The following DISP1 variants were observed in gnomAD, a reference collection of about 807,000 sequenced individuals.
The protein encoded by DISP1 is protein dispatched homolog 1.
A neutral mutation model predicts 37.3 loss-of-function variants in DISP1; 30 were observed. The ratio of observed to expected loss-of-function variants is 0.80; its 90% CI spans 0.60 to 1.09. The LOEUF is 1.09. DISP1 is among the 50% of genes least tolerant of loss of function. DISP1 has a pLI of 0.00. For missense variants in DISP1, 1,598 were observed against 1,879.5 expected (o/e 0.85, Z 2.77); for synonymous variants, 634 against 690.2 (o/e 0.92, Z 1.28).
At chr1:222,955,365 G>T (rs376199666) in intron 3 of DISP1, among the ~76,000 whole-genome samples, 2 of 152,162 alleles carry the variant, frequency 1.3e-5, no homozygotes, top group African/African-American at 2.4e-5. Flanking sequence ...AATTACAGGT[G>T]TGAGCCACAG....
rs1491542918 is a variant in DISP1, at chr1:222,936,897, T to TATA, written c.-17-5910_-17-5909insATA. Reference sequence around the variant, plus strand: ...TATATATGATATATATAATATATTATTTATATATAATATATTATATATTAT... The same window carrying TATA: ...TATATATGATATATATAATATATTATATATTATATATAATATATTATATATTAT... On this transcript the variant is annotated intron_variant, in intron 2 of 8. Transcript: ENST00000675850. Among the ~76,000 whole-genome samples the TATA allele has an allele frequency of 4.3e-3, 175 of 41,156 alleles. 1 individual carries two copies. The highest frequency in any genetic ancestry group is 0.014 in the African/African-American group (161 of 11,644). 27.0% of individuals were successfully genotyped at this position (41,156 alleles called of 152,430 possible). A position where few individuals can be genotyped will look rare whatever the true frequency, so the allele number is the denominator to read the frequency against.
At chr1:222,983,237 A>G in intron 4 of DISP1, 128 bp downstream of exon 4, 2 of 808,356 alleles carry the variant, frequency 2.5e-6, no homozygotes, top group Non-Finnish European at 4.2e-6. Flanking sequence ...AGAAAAAGAA[A>G]TGTCCCATGA....
chr1:222,868,163 G>C (rs567278346), intron 1 of DISP1, among the ~76,000 whole-genome samples: 1 of 152,080 alleles, frequency 6.6e-6, no homozygotes, highest in African/African-American at 2.4e-5. Flanking sequence ...CAGGAGAATT[G>C]TTTGAGCCCA....
chr1:222,984,435 TAGAGAGAGAG>T (rs369654102), intron 4 of DISP1, among the ~76,000 whole-genome samples: 1 of 108,372 alleles, frequency 9.2e-6, no homozygotes, highest in South Asian at 3.2e-4. Context: ...TATATATATA[TAGAGAGAGAG>T]AGAGAGAGAG....
At position 222,834,016 on chromosome 1, in the gene DISP1, T is replaced by C. The variant is rs534895987; in HGVS notation, c.-159+18938T>C. Among the ~76,000 whole-genome samples the C allele has an allele frequency of 1.2e-4, 18 of 152,328 alleles. No individual in the cohort carries two copies. The South Asian group carries it at 3.7e-3, about 32-fold the overall frequency. ...ATGGTGAGTCTTTGGAGGCACATAG[T>C]GTGTCTTAAGTATCATTTGGAGCAA... On this transcript the variant is annotated intron_variant, in intron 1 of 8. Coordinates refer to ENST00000675850, the MANE Select transcript of DISP1 (RefSeq NM_001377229.1).
intron 3 of DISP1, among the ~76,000 whole-genome samples, chr1:222,950,457 G>A (rs1333063341): frequency 2.0e-5 from 3 of 152,050 alleles, no homozygotes; most frequent in Non-Finnish European, 4.4e-5. Context: ...AAAATTAGCT[G>A]GGCGTGGTGG....
At chr1:222,875,654 T>TAAAAAAAAA (rs1161033639) in intron 1 of DISP1, among the ~76,000 whole-genome samples, 1 of 93,678 alleles carries the variant, frequency 1.1e-5, no homozygotes, top group African/African-American at 4.5e-5. Flanking sequence ...CTGTCTCTAC[T>TAAAAAAAAA]AAAAAAAAAA....
At chr1:222,950,557 A>G (rs1330212261) in intron 3 of DISP1, among the ~76,000 whole-genome samples, 4 of 151,894 alleles carry the variant, frequency 2.6e-5, no homozygotes, top group South Asian at 2.1e-4. Context: ...CTGAGATCGC[A>G]CCACTGCACT....
intron 2 of DISP1, among the ~76,000 whole-genome samples, chr1:222,939,994 T>C (rs2789974): frequency 0.26 from 39,293 of 151,520 alleles, 5,328 homozygotes; most frequent in South Asian, 0.47. Context: ...GGCGTGGTGG[T>C]GGGCGCCTGT....
At chr1:222,821,346 A>G (rs1317399791) in intron 1 of DISP1, among the ~76,000 whole-genome samples, 1 of 152,248 alleles carries the variant, frequency 6.6e-6, no homozygotes, top group Non-Finnish European at 1.5e-5. Context: ...GACAGATGCC[A>G]GCTCCAAAGA....
chr1:222,980,150 C>A (rs561736250), intron 3 of DISP1, among the ~76,000 whole-genome samples: 23 of 152,300 alleles, frequency 1.5e-4, no homozygotes, highest in Non-Finnish European at 2.8e-4. Context: ...ATAGACAATG[C>A]AGCAGGTCTA....
intron 3 of DISP1, among the ~76,000 whole-genome samples, chr1:222,968,010 C>A (rs536902091): frequency 6.6e-6 from 1 of 152,222 alleles, no homozygotes; most frequent in Non-Finnish European, 1.5e-5. Context: ...GAATTACGAT[C>A]TTTTTAATGT....
chr1:222,831,790 TATA>T lies in DISP1; in HGVS notation c.-159+16716_-159+16718del, dbSNP rs1665813955. ...CATGTGTTTGAGGGACCAGTTTGGT[TATA>T]ATATATGGGATACATTTTAGAGAGT... On this transcript the variant is annotated intron_variant, in intron 1 of 8. Coordinates refer to ENST00000675850, the MANE Select transcript of DISP1 (RefSeq NM_001377229.1). Among the ~76,000 whole-genome samples, 4 of 152,304 alleles carry T rather than the reference TATA, an allele frequency of 2.6e-5. 1 individual carries two copies. Among genetic ancestry groups the T allele is most frequent in the Admixed American group, 2.6e-4 (4 of 15,296 alleles).
chr1:222,972,065 G>A (rs916890107), intron 3 of DISP1, among the ~76,000 whole-genome samples: 2 of 151,968 alleles, frequency 1.3e-5, no homozygotes, highest in African/African-American at 2.4e-5. Flanking sequence ...CACTTCAGTA[G>A]ATATTTTCGA....
At chr1:222,991,413 C>G (rs1678685136) in intron 5 of DISP1, 107 bp from the exon 6 acceptor site, 1 of 1,380,770 alleles carries the variant, frequency 7.2e-7, no homozygotes, top group Non-Finnish European at 1.0e-6. Flanking sequence ...GCTATATTTT[C>G]TGTTGAAAGC....
At chr1:222,936,800 T>TA (rs61201340) in intron 2 of DISP1, among the ~76,000 whole-genome samples, 706 of 64,096 alleles carry the variant, frequency 0.011, 19 homozygotes, top group Middle Eastern at 0.025. Flanking sequence ...ATATAATATA[T>TA]TATATATATA....
Position 222,951,960 on chromosome 1 carries a change from AT to A in DISP1, c.509+8633del, listed in dbSNP as rs1675256806. On this transcript the variant is annotated intron_variant, in intron 3 of 8. Coordinates refer to ENST00000675850, the MANE Select transcript of DISP1 (RefSeq NM_001377229.1). ...TTTATGTGTAAACTTTTATGTATAA[AT>A]TTTTATGTATAAAGTTTTAATAGTA... Among the ~76,000 whole-genome samples the A allele has an allele frequency of 4.6e-5, 7 of 152,192 alleles. No individual in the cohort carries two copies. The South Asian group carries it at 1.4e-3, about 31-fold the overall frequency.
intron 3 of DISP1, chr1:222,979,601 G>T (rs1180867451): frequency 4.2e-6 from 2 of 470,790 alleles, no homozygotes; most frequent in Non-Finnish European, 8.8e-6. Flanking sequence ...ACAGCTTTTG[G>T]GGGTTTTTGG....
intron 1 of DISP1, among the ~76,000 whole-genome samples, chr1:222,928,218 G>C (rs968183988): frequency 6.6e-6 from 1 of 152,174 alleles, no homozygotes; most frequent in Non-Finnish European, 1.5e-5. Context: ...AGCAGGAAAA[G>C]GCTAGAAATT....
Sources: allele counts gnomAD v4.1 joint callset (sites outside exome capture counted in the v4.1 genomes callset), GRCh38; gene constraint gnomAD v4.1.1; transcripts MANE v1.5; gene names NCBI Gene and HGNC (gene_info 2026-07-23, HGNC 2026-07-21).